Variants in NCOA1 observed in about 807,000 individuals in gnomAD.
The protein encoded by NCOA1 is Hin-2 protein.
In NCOA1, 35 loss-of-function variants were observed where a neutral mutation model predicts 150.9. The ratio of observed to expected loss-of-function variants is 0.23; its 90% CI spans 0.18 to 0.31. NCOA1 has a LOEUF of 0.31. Ranked by LOEUF, NCOA1 falls within the 10% of genes least tolerant of loss-of-function variation. The pLI is 1.00. For missense variants in NCOA1, 1,491 were observed against 1,749.3 expected, an observed-to-expected ratio of 0.85 and a Z score of 2.63; for synonymous variants, 590 against 630.0, an observed-to-expected ratio of 0.94 and a Z score of 0.95.
At chr2:24,555,567 G>A (rs575005380) in intron 1 of NCOA1, among the ~76,000 whole-genome samples, 1 of 152,302 alleles carries the variant, frequency 6.6e-6, no homozygotes, top group East Asian at 1.9e-4. Context: ...ATCGATAACT[G>A]TAATTGTGGA....
At chr2:24,758,432 G>A (rs1297014477) in intron 21 of NCOA1, among the ~76,000 whole-genome samples, 2 of 149,442 alleles carry the variant, frequency 1.3e-5, no homozygotes, top group Non-Finnish European at 3.0e-5. Context: ...CCAGGCTCAA[G>A]GGATCCTCCC....
At chr2:24,667,713 C>T (rs1312425597) in intron 6 of NCOA1, among the ~76,000 whole-genome samples, 1 of 152,052 alleles carries the variant, frequency 6.6e-6, no homozygotes. Flanking sequence ...CACTCTCTGC[C>T]CTGACCAGTG....
chr2:24,763,914 G>T (rs1029673630), intron 22 of NCOA1, among the ~76,000 whole-genome samples: 1 of 152,030 alleles, frequency 6.6e-6, no homozygotes, highest in African/African-American at 2.4e-5. Context: ...GAGCCACCAC[G>T]CCAGGCCAGA....
intron 1 of NCOA1, among the ~76,000 whole-genome samples, chr2:24,560,465 A>C (rs1286179369): frequency 6.6e-6 from 1 of 152,098 alleles, no homozygotes; most frequent in Non-Finnish European, 1.5e-5. Context: ...TGGAAATGAC[A>C]TTCTTTGGTG....
At chr2:24,767,214 CATGAATT>C (rs1254041387) in intron 22 of NCOA1, among the ~76,000 whole-genome samples, 1 of 152,110 alleles carries the variant, frequency 6.6e-6, no homozygotes, top group East Asian at 1.9e-4. Flanking sequence ...GTGTAATTGA[CATGAATT>C]AGTGATAAAT....
intron 1 of NCOA1, among the ~76,000 whole-genome samples, chr2:24,518,391 A>G (rs577211465): frequency 1.3e-5 from 2 of 152,282 alleles, no homozygotes; most frequent in South Asian, 4.1e-4. Flanking sequence ...ATTATACTTA[A>G]TGACGAAAGA....
rs994811355 is a variant in NCOA1, at chr2:24,630,141, G to A, written c.-174-13825G>A. Among the ~76,000 whole-genome samples, 20 of 152,156 alleles carry A rather than the reference G, an allele frequency of 1.3e-4. 1 individual carries two copies. Among genetic ancestry groups the A allele is most frequent in the African/African-American group, 3.1e-4 (13 of 41,540 alleles). On this transcript the variant is annotated intron_variant, in intron 3 of 22. Transcript: ENST00000348332. ...ATTACAGGCGCGAGCCACCGCGCCC[G>A]GCCGTAACTTATTAATGTTTACTCT...
chr2:24,665,982 T>C, intron 6 of NCOA1, 67 bp downstream of exon 6: 1 of 928,632 alleles, frequency 1.1e-6, no homozygotes, highest in Non-Finnish European at 1.4e-6. Flanking sequence ...TATGTGATTT[T>C]ACTTTATTAT....
At chr2:24,593,706 G>C (rs924332653) in intron 3 of NCOA1, among the ~76,000 whole-genome samples, 1 of 152,200 alleles carries the variant, frequency 6.6e-6, no homozygotes, top group South Asian at 2.1e-4. Flanking sequence ...TTATATGCCT[G>C]GTGTCACAAA....
At chr2:24,668,334 G>A (rs1671524724) in intron 6 of NCOA1, among the ~76,000 whole-genome samples, 1 of 152,004 alleles carries the variant, frequency 6.6e-6, no homozygotes, top group African/African-American at 2.4e-5. Context: ...GTAGTGCCCA[G>A]CACAGTTGTT....
intron 11 of NCOA1, among the ~76,000 whole-genome samples, chr2:24,702,293 G>A (rs1424401711): frequency 6.6e-6 from 1 of 152,058 alleles, no homozygotes; most frequent in East Asian, 1.9e-4. Context: ...ACATCTAGGG[G>A]TAATTATTTT....
intron 1 of NCOA1, among the ~76,000 whole-genome samples, chr2:24,550,180 T>G (rs1665767067): frequency 1.3e-5 from 2 of 152,220 alleles, no homozygotes; most frequent in African/African-American, 4.8e-5. Flanking sequence ...TTTTCCTCTC[T>G]TCTTCTGAGC....
chr2:24,546,631 T>C (rs967461989), intron 1 of NCOA1, among the ~76,000 whole-genome samples: 11 of 152,234 alleles, frequency 7.2e-5, no homozygotes, highest in African/African-American at 2.7e-4. Context: ...TTTGCTGATA[T>C]CACGAGCTTG....
intron 7 of NCOA1, among the ~76,000 whole-genome samples, chr2:24,673,928 T>C (rs1671788812): frequency 6.6e-6 from 1 of 152,200 alleles, no homozygotes; most frequent in Non-Finnish European, 1.5e-5. Flanking sequence ...AGAATTACTA[T>C]TTTAACTGTC....
At chr2:24,499,367 A>G (rs938584317) in intron 1 of NCOA1, among the ~76,000 whole-genome samples, 1 of 152,202 alleles carries the variant, frequency 6.6e-6, no homozygotes, top group African/African-American at 2.4e-5. Context: ...TATTAAATAT[A>G]TAGATGAATT....
intron 14 of NCOA1, among the ~76,000 whole-genome samples, chr2:24,717,073 C>T (rs1054921011): frequency 6.6e-6 from 1 of 152,160 alleles, no homozygotes; most frequent in African/African-American, 2.4e-5. Context: ...ATGCCCAACT[C>T]ATATGTCATT....
intron 5 of NCOA1, among the ~76,000 whole-genome samples, chr2:24,663,448 A>C (rs578030365): frequency 6.6e-6 from 1 of 152,298 alleles, no homozygotes; most frequent in Non-Finnish European, 1.5e-5. Flanking sequence ...TCCTCTAGAC[A>C]CAGTAGTACA....
chr2:24,758,108 G>T lies in NCOA1; in HGVS notation c.4017G>T (p.Gln1339His). The T allele has an allele frequency of 1.9e-6, 3 of 1,614,118 alleles. No homozygotes were observed. Among genetic ancestry groups the T allele is most frequent in the Non-Finnish European group, 2.5e-6 (3 of 1,180,028 alleles). Residue 1339 changes from glutamine (Q) to histidine (H), a missense_variant, in exon 21 of 23, where the codon CAG becomes CAT. Transcript: ENST00000348332. The part of the protein sequence containing the change: ...QNMNPMMAQM[Q>H]MSSLQMPGMN... ...TGAACCCAATGATGGCCCAGATGCA[G>T]ATGAGCTCTTTGCAGATGCCAGGAA... is the stretch of plus-strand genomic sequence containing the variant.
chr2:24,684,822 G>C (rs1241272683), intron 8 of NCOA1, among the ~76,000 whole-genome samples: 3 of 151,976 alleles, frequency 2.0e-5, no homozygotes, highest in Non-Finnish European at 4.4e-5. Flanking sequence ...CCAATGAGAT[G>C]GTCCCACCAA....
Sources: gnomAD v4.1 joint callset for allele counts (sites outside exome capture counted in the v4.1 genomes callset) on GRCh38, gnomAD v4.1.1 for gene constraint, MANE v1.5 for transcripts, NCBI Gene and HGNC (gene_info 2026-07-23, HGNC 2026-07-21) for gene names.